The following IGSF11 variants were observed in gnomAD, a reference collection of about 807,000 sequenced individuals.
IGSF11 encodes the protein CXADR like 1.
In IGSF11, 22 loss-of-function variants were observed where a neutral mutation model predicts 41.0. The observed-to-expected ratio is 0.54, with a 90% CI of 0.38 to 0.77. The LOEUF (loss-of-function observed/expected upper bound fraction) is 0.77, where lower values mean the gene tolerates loss of function less well. Among genes scored for constraint, IGSF11 ranks in the 30% least tolerant of loss-of-function variants. IGSF11 has a pLI of 0.00. For missense variants in IGSF11, 444 were observed against 530.8 expected, an observed-to-expected ratio of 0.84 and a Z score of 1.61; for synonymous variants, 219 against 201.3, an observed-to-expected ratio of 1.09 and a Z score of -0.74.
At chr3:119,070,064 A>G (rs953272343) in intron 1 of IGSF11, among the ~76,000 whole-genome samples, 1 of 152,214 alleles carries the variant, frequency 6.6e-6, no homozygotes, top group African/African-American at 2.4e-5. Flanking sequence ...GAAGCTCACA[A>G]TGAAACTTGA....
At chr3:118,989,323 C>G (rs1419809058) in intron 1 of IGSF11, among the ~76,000 whole-genome samples, 1 of 151,760 alleles carries the variant, frequency 6.6e-6, no homozygotes, top group Non-Finnish European at 1.5e-5. Context: ...TAAATACACA[C>G]GTTAAGAGTA....
intron 1 of IGSF11, among the ~76,000 whole-genome samples, chr3:118,997,258 T>C (rs960175371): frequency 6.6e-6 from 1 of 152,194 alleles, no homozygotes; most frequent in Non-Finnish European, 1.5e-5. Context: ...TAAGTAGAGT[T>C]ATCTACGGTA....
chr3:119,035,204 C>G (rs1024107274), upstream of IGSF11, among the ~76,000 whole-genome samples: 3 of 152,234 alleles, frequency 2.0e-5, no homozygotes, highest in African/African-American at 7.2e-5. Context: ...ATGACTTTTC[C>G]ACAGCCTTCC....
chr3:118,960,150 A>G (rs1181685917), intron 1 of IGSF11, among the ~76,000 whole-genome samples: 4 of 152,356 alleles, frequency 2.6e-5, no homozygotes, highest in Non-Finnish European at 5.9e-5. Flanking sequence ...AGGATCACTG[A>G]AATTAAAACT....
intron 1 of IGSF11, among the ~76,000 whole-genome samples, chr3:119,078,500 A>G (rs1261950942): frequency 6.6e-6 from 1 of 152,222 alleles, no homozygotes; most frequent in Non-Finnish European, 1.5e-5. Flanking sequence ...TGCAGGGATA[A>G]CTGATTAGCC....
intron 1 of IGSF11, among the ~76,000 whole-genome samples, chr3:119,110,928 T>A (rs979982386): frequency 3.6e-4 from 55 of 152,038 alleles, no homozygotes; most frequent in Non-Finnish European, 6.2e-4. Flanking sequence ...CCCCACTCTC[T>A]TCTGGCTTGT....
intron 1 of IGSF11, among the ~76,000 whole-genome samples, chr3:119,024,801 A>G (rs945148501): frequency 3.9e-5 from 6 of 152,210 alleles, no homozygotes; most frequent in Non-Finnish European, 8.8e-5. Flanking sequence ...AAGAAAGCTC[A>G]TTATCAGAGA....
intron 1 of IGSF11, among the ~76,000 whole-genome samples, chr3:119,074,384 G>C (rs1410474352): frequency 6.6e-6 from 1 of 152,028 alleles, no homozygotes; most frequent in African/African-American, 2.4e-5. Flanking sequence ...TGATTACGTG[G>C]AAATTAAACA....
chr3:118,935,006 G>A (rs1943130842), intron 1 of IGSF11, among the ~76,000 whole-genome samples: 1 of 151,976 alleles, frequency 6.6e-6, no homozygotes, highest in South Asian at 2.1e-4. Context: ...TAGCTCAAGT[G>A]ATACCTTCTC....
intron 1 of IGSF11, among the ~76,000 whole-genome samples, chr3:119,115,042 C>G (rs1043893035): frequency 2.6e-5 from 4 of 152,158 alleles, no homozygotes; most frequent in Non-Finnish European, 4.4e-5. Context: ...ATCACAAGAA[C>G]AGTAAGGAAG....
At position 119,130,979 on chromosome 3, in the gene IGSF11, A is replaced by T. The variant is rs142448280; in HGVS notation, c.-14+14834T>A. ...CTGAGGGATCTGACTGTTAAAAGGAAAACAAAGAGAAAGGAATAGAATCAA... is the reference window on the plus strand; with the variant it reads ...CTGAGGGATCTGACTGTTAAAAGGATAACAAAGAGAAAGGAATAGAATCAA... On this transcript the variant is annotated intron_variant, in intron 1 of 7. Coordinates refer to the IGSF11 transcript ENST00000425327. Among the ~76,000 whole-genome samples, 41 of 152,342 alleles carry T rather than the reference A, an allele frequency of 2.7e-4. No homozygotes were observed. In the East Asian group the frequency reaches 7.9e-3, roughly 29 times the overall value.
intron 1 of IGSF11, among the ~76,000 whole-genome samples, chr3:119,068,435 C>CT (rs1226754335): frequency 6.6e-6 from 1 of 152,224 alleles, no homozygotes; most frequent in Non-Finnish European, 1.5e-5. Flanking sequence ...ATTCTTAGCA[C>CT]TTCTTTTAGC....
chr3:118,941,715 C>T (rs1943715484), intron 1 of IGSF11, among the ~76,000 whole-genome samples: 1 of 152,160 alleles, frequency 6.6e-6, no homozygotes, highest in South Asian at 2.1e-4. Context: ...CCAGACACAA[C>T]TCAAATGCCC....
chr3:118,959,756 C>A (rs947071115), intron 1 of IGSF11, among the ~76,000 whole-genome samples: 6 of 152,186 alleles, frequency 3.9e-5, no homozygotes, highest in African/African-American at 1.4e-4. Context: ...TGGTAAGAAA[C>A]AACAAATGTG....
chr3:119,021,199 A>G (rs2107713179), intron 1 of IGSF11, among the ~76,000 whole-genome samples: 1 of 152,326 alleles, frequency 6.6e-6, no homozygotes, highest in Non-Finnish European at 1.5e-5. Context: ...AAAGGATTCA[A>G]CAATGTAAAA....
chr3:119,136,797 C>A (rs1229734972), intron 1 of IGSF11, among the ~76,000 whole-genome samples: 1 of 152,030 alleles, frequency 6.6e-6, no homozygotes, highest in East Asian at 1.9e-4. Context: ...TCTTTGTCTG[C>A]AGATCCAGAT....
intron 1 of IGSF11, among the ~76,000 whole-genome samples, chr3:118,973,188 C>T (rs1933653779): frequency 6.6e-6 from 1 of 152,176 alleles, no homozygotes; most frequent in South Asian, 2.1e-4. Context: ...AGAAGCCAGG[C>T]CTCTCTTGCC....
rs113963134 is a variant in IGSF11 at position 119,001,467 on chromosome 3, CTT to C, written c.52+33062_52+33063del. Among the ~76,000 whole-genome samples, 498 of 130,548 alleles carry C rather than the reference CTT, an allele frequency of 3.8e-3. 2 individuals are homozygous for C. Among genetic ancestry groups the C allele is most frequent in the African/African-American group, 0.011 (412 of 36,018 alleles). The allele number at this position is 130,548 out of a possible 152,430, so 85.6% of individuals were successfully genotyped here. A position where few individuals can be genotyped will look rare whatever the true frequency, so the allele number is the denominator to read the frequency against. On this transcript the variant is annotated intron_variant, in intron 1 of 6. Transcript: ENST00000393775. ...TTGTTTTTTTCTGGCCCCAGGTTTT[CTT>C]TTTTTTTTTTTTTTATTATACTTTA...
At chr3:118,979,589 T>G (rs959785094) in intron 1 of IGSF11, among the ~76,000 whole-genome samples, 9 of 151,998 alleles carry the variant, frequency 5.9e-5, no homozygotes, top group Non-Finnish European at 8.8e-5. Flanking sequence ...AGAAGAAAAT[T>G]TACGGAAAAC....
Sources: gnomAD v4.1 joint callset for allele counts (sites outside exome capture counted in the v4.1 genomes callset) on GRCh38, gnomAD v4.1.1 for gene constraint, MANE v1.5 for transcripts, NCBI Gene and HGNC (gene_info 2026-07-23, HGNC 2026-07-21) for gene names.